The following LARP4B variants were observed in gnomAD, a reference collection of about 807,000 sequenced individuals.
LARP4B encodes the protein la-related protein 4B.
LARP4B carries 12 observed loss-of-function variants against 89.8 expected under a neutral mutation model. The ratio of observed to expected loss-of-function variants is 0.13; its 90% CI spans 0.09 to 0.22. The LOEUF is 0.22. LARP4B is among the 10% of genes least tolerant of loss of function. The probability of loss-of-function intolerance (pLI) is 1.00; values close to 1 mark genes in which losing one functional copy is unlikely to be tolerated. For missense variants in LARP4B, 757 were observed against 947.7 expected (o/e 0.80, Z 2.64); for synonymous variants, 367 against 363.3 (o/e 1.01, Z -0.12).
At chr10:828,148 A>C (rs779215529) in intron 11 of LARP4B, among the ~76,000 whole-genome samples, 2 of 152,206 alleles carry the variant, frequency 1.3e-5, no homozygotes, top group African/African-American at 2.4e-5. Flanking sequence ...AGGACAGCTA[A>C]GCACCTGCGC....
chr10:914,736 C>T (rs1395061904), intron 1 of LARP4B, among the ~76,000 whole-genome samples: 2 of 136,354 alleles, frequency 1.5e-5, no homozygotes, highest in East Asian at 2.3e-4. Flanking sequence ...GGGAGGCGGA[C>T]GTTGCAGTGA....
chr10:852,808 G>T (rs1170996042), intron 5 of LARP4B, among the ~76,000 whole-genome samples: 1 of 152,110 alleles, frequency 6.6e-6, no homozygotes, highest in Non-Finnish European at 1.5e-5. Flanking sequence ...ACATAAAAAT[G>T]AATGCTTTGA....
intron 7 of LARP4B, among the ~76,000 whole-genome samples, chr10:839,794 C>T (rs1225451127): frequency 6.6e-6 from 1 of 152,172 alleles, no homozygotes; most frequent in Admixed American, 6.5e-5. Context: ...CCACTTGTGG[C>T]TATTTACCCA....
chr10:845,134 GCTTTCAA>G, intron 5 of LARP4B, 79 bp from the exon 6 acceptor site: 1 of 960,684 alleles, frequency 1.0e-6, no homozygotes. Flanking sequence ...CAGTTCTAAT[GCTTTCAA>G]CTTACGTTCT....
intron 1 of LARP4B, among the ~76,000 whole-genome samples, chr10:915,422 C>A (rs1836791463): frequency 6.7e-6 from 1 of 148,262 alleles, no homozygotes; most frequent in Non-Finnish European, 1.5e-5. Flanking sequence ...TTTGAATAAG[C>A]TGGAAAAAAA....
chr10:935,450 T>C (rs1830737052), upstream of LARP4B, among the ~76,000 whole-genome samples: 1 of 152,210 alleles, frequency 6.6e-6, no homozygotes, highest in Non-Finnish European at 1.5e-5. Flanking sequence ...TGTCAACCAC[T>C]GAAGTGTTTT....
At chr10:913,112 C>G (rs185323514) in intron 1 of LARP4B, among the ~76,000 whole-genome samples, 164 of 152,106 alleles carry the variant, frequency 1.1e-3, no homozygotes, top group African/African-American at 3.8e-3. Context: ...AGTTCTCTGC[C>G]TTTGGGATGT....
chr10:836,409 G>A lies in LARP4B; in HGVS notation c.744C>T (p.Pro248=), dbSNP rs777793618. 1.3e-5 allele frequency: 20 copies of A among 1,597,076 alleles called. No individual in the cohort carries two copies. The highest frequency in any genetic ancestry group is 1.7e-4 in the Middle Eastern group (1 of 6,052). ...VILREISEST[P]VEEVEALFKG... The stretch of plus-strand genomic sequence containing the variant: ...CAGAGGAGAAATTACTTACTTCCAC[G>A]GGGGTAGATTCAGATATTTCACGCA... The change falls in exon 8 of 18, where the codon CCC becomes CCT. Residue 248 remains proline (P), a synonymous_variant. Transcript: ENST00000316157.
In LARP4B at chr10:833,086, G is replaced by A. The variant is rs145854479; in HGVS notation, c.751-2109C>T. ...CATGGCTGTAAGGTAAAGAGGCATG[G>A]TGCTCTGTGAATTACACGGACTCTA... On this transcript the variant is annotated intron_variant, in intron 8 of 17. Transcript: ENST00000316157. Among the ~76,000 whole-genome samples the A allele has an allele frequency of 9.2e-5, 14 of 151,938 alleles. No homozygotes were observed. The East Asian group carries it at 2.7e-3, about 29-fold the overall frequency.
intron 1 of LARP4B, among the ~76,000 whole-genome samples, chr10:890,712 A>T (rs574413793): frequency 1.4e-3 from 208 of 151,756 alleles, no homozygotes; most frequent in African/African-American, 4.6e-3. Flanking sequence ...GGACTTTTTT[A>T]TTATTATTAT....
intron 7 of LARP4B, among the ~76,000 whole-genome samples, chr10:841,365 C>G (rs945253161): frequency 6.6e-6 from 1 of 152,082 alleles, no homozygotes; most frequent in Admixed American, 6.5e-5. Context: ...AAATGAGAAA[C>G]TAAAGAGCTC....
intron 5 of LARP4B, among the ~76,000 whole-genome samples, chr10:848,919 A>G (rs754162572): frequency 1.3e-5 from 2 of 152,220 alleles, no homozygotes; most frequent in Non-Finnish European, 2.9e-5. Context: ...TCTTTTAAAA[A>G]TAACTGACTT....
intron 5 of LARP4B, among the ~76,000 whole-genome samples, chr10:859,708 G>T (rs1294426694): frequency 6.6e-6 from 1 of 152,178 alleles, no homozygotes; most frequent in Non-Finnish European, 1.5e-5. Flanking sequence ...AAAAAGAAAT[G>T]AGTTATCAAG....
At chr10:964,445 G>C in the LARP4B span, among the ~76,000 whole-genome samples, 2 of 151,968 alleles carry the variant, frequency 1.3e-5, no homozygotes, top group African/African-American at 4.8e-5. Context: ...CTGTGGGCTA[G>C]GGCACAGTCC....
chr10:986,588 G>C, the LARP4B span: 1 of 152,176 alleles, frequency 6.6e-6, no homozygotes. Flanking sequence ...CCTTATCATT[G>C]TTATAGCTCT....
chr10:899,835 A>T (rs1015366889), intron 1 of LARP4B, among the ~76,000 whole-genome samples: 1 of 152,226 alleles, frequency 6.6e-6, no homozygotes, highest in Non-Finnish European at 1.5e-5. Flanking sequence ...AATTTACCTA[A>T]ATAAGGAAAA....
At chr10:825,719 C>T (rs1447806698) in intron 12 of LARP4B, 45 bp downstream of exon 12, 1 of 1,288,022 alleles carries the variant, frequency 7.8e-7, no homozygotes, top group Non-Finnish European at 1.1e-6. Context: ...TCCGGAAGGG[C>T]AGTAGCGTAA....
chr10:964,531 T>C, the LARP4B span, among the ~76,000 whole-genome samples: 3 of 152,064 alleles, frequency 2.0e-5, no homozygotes, highest in Non-Finnish European at 4.4e-5. Context: ...TTGCAGCAGA[T>C]GATCAATTTG....
the LARP4B span, among the ~76,000 whole-genome samples, chr10:966,205 A>G: frequency 6.6e-6 from 1 of 152,160 alleles, no homozygotes; most frequent in Non-Finnish European, 1.5e-5. Context: ...CTGTGATTCC[A>G]GCACATCGGG....
Sources: gnomAD v4.1 joint callset for allele counts (sites outside exome capture counted in the v4.1 genomes callset) on GRCh38, gnomAD v4.1.1 for gene constraint, MANE v1.5 for transcripts, NCBI Gene and HGNC (gene_info 2026-07-23, HGNC 2026-07-21) for gene names.